LAMC1: variants seen among roughly 807,000 people sequenced by gnomAD.
LAMC1 encodes laminin subunit gamma 1, also known as laminin subunit gamma-1.
In LAMC1, 38 loss-of-function variants were observed where a neutral mutation model predicts 173.6. That is an observed-to-expected ratio of 0.22 (90% confidence interval 0.17 to 0.29). The LOEUF (loss-of-function observed/expected upper bound fraction) is 0.29, where lower values mean the gene tolerates loss of function less well. Ranked by LOEUF, LAMC1 falls within the 10% of genes least tolerant of loss-of-function variation. The pLI is 1.00. For missense variants in LAMC1, 1,824 were observed against 2,051.8 expected (o/e 0.89, Z 2.14); for synonymous variants, 746 against 749.1 (o/e 1.00, Z 0.07).
intron 1 of LAMC1, among the ~76,000 whole-genome samples, chr1:183,092,914 C>A (rs1480565061): frequency 6.6e-6 from 1 of 152,148 alleles, no homozygotes; most frequent in East Asian, 1.9e-4. Context: ...GATGTCTTCC[C>A]ATCTTAAAAA....
At chr1:183,046,733 A>G (rs1157455894) in intron 1 of LAMC1, among the ~76,000 whole-genome samples, 2 of 152,098 alleles carry the variant, frequency 1.3e-5, no homozygotes, top group Admixed American at 6.5e-5. Flanking sequence ...GTAGGTAGTC[A>G]TCATCTGTAA....
At chr1:183,036,345 G>C (rs1465672253) in intron 1 of LAMC1, among the ~76,000 whole-genome samples, 2 of 149,500 alleles carry the variant, frequency 1.3e-5, no homozygotes, top group African/African-American at 4.9e-5. Flanking sequence ...TGAGCCATCT[G>C]CCTTGGCCTC....
intron 11 of LAMC1, among the ~76,000 whole-genome samples, chr1:183,119,096 C>T (rs939344808): frequency 6.6e-6 from 1 of 152,008 alleles, no homozygotes; most frequent in Non-Finnish European, 1.5e-5. Flanking sequence ...GGGGTTTTAC[C>T]ATATTGGCCA....
intron 1 of LAMC1, among the ~76,000 whole-genome samples, chr1:183,089,963 A>G (rs893171025): frequency 4.6e-5 from 7 of 152,298 alleles, no homozygotes; most frequent in Admixed American, 6.5e-5. Context: ...ATTCACAACA[A>G]CCAGTCAAAA....
At position 183,119,938 on chromosome 1, in the gene LAMC1, A is replaced by C. The variant is rs549616135; in HGVS notation, c.1991-1785A>C. On this transcript the variant is annotated intron_variant, in intron 11 of 27. Coordinates refer to ENST00000258341, the MANE Select transcript of LAMC1 (RefSeq NM_002293.4). The stretch of plus-strand genomic sequence containing the variant: ...GTAATTCCAGTACTTTGGGAGGCTG[A>C]GGCAGGAGGATTGCTTGAGGCTAGG... Among the ~76,000 whole-genome samples the C allele has an allele frequency of 5.9e-5, 9 of 152,114 alleles. No homozygotes were observed. In the South Asian group the frequency reaches 1.9e-3, roughly 32 times the overall value.
intron 11 of LAMC1, among the ~76,000 whole-genome samples, chr1:183,118,906 T>A (rs550527499): frequency 5.1e-3 from 762 of 149,834 alleles, no homozygotes; most frequent in Non-Finnish European, 7.4e-3. Flanking sequence ...GACTTAAAAA[T>A]TTTTTTTTTT....
intron 1 of LAMC1, among the ~76,000 whole-genome samples, chr1:183,074,328 A>G (rs1248388745): frequency 6.6e-6 from 1 of 152,226 alleles, no homozygotes; most frequent in Non-Finnish European, 1.5e-5. Flanking sequence ...GGAATCTAAG[A>G]GTGACATGTG....
chr1:183,085,952 A>T (rs1039307314), intron 1 of LAMC1, among the ~76,000 whole-genome samples: 2 of 152,100 alleles, frequency 1.3e-5, no homozygotes, highest in Non-Finnish European at 2.9e-5. Context: ...TGGACATTTA[A>T]GAACTTGGAG....
Position 183,115,516 on chromosome 1 carries a change from T to G in LAMC1, c.1211-4T>G. 1 of 1,605,702 alleles carries G rather than the reference T, an allele frequency of 6.2e-7. No individual in the cohort carries two copies. The highest frequency in any genetic ancestry group is 1.1e-5 in the South Asian group (1 of 90,620). The stretch of plus-strand genomic sequence containing the variant: ...TGTTTGACAATAGGCATTTTACATT[T>G]TAGGCTCTCTAAGCACACAGTGTGA... On this transcript the variant is annotated splice_polypyrimidine_tract_variant and splice_region_variant and intron_variant, in intron 5 of 27. Coordinates refer to ENST00000258341, the MANE Select transcript of LAMC1 (RefSeq NM_002293.4).
intron 27 of LAMC1, 80 bp downstream of exon 27, chr1:183,140,583 C>A: frequency 1.3e-6 from 1 of 741,190 alleles, no homozygotes; most frequent in South Asian, 2.3e-5. Flanking sequence ...ACAGTTGACT[C>A]AAAAGCAGAT....
In LAMC1 at chr1:183,122,109, G is replaced by T. The variant is rs1194538455; in HGVS notation, c.2259G>T (p.Lys753Asn). 4.3e-6 allele frequency: 7 copies of T among 1,614,080 alleles called. No individual in the cohort carries two copies. The highest frequency in any genetic ancestry group is 1.3e-5 in the African/African-American group (1 of 74,918). ...RDNTAGPHCE[K>N]CSDGYYGDST... The stretch of plus-strand genomic sequence containing the variant: ...ATACGGCTGGCCCGCACTGTGAGAA[G>T]TGCAGTGATGGGTACTATGGAGATT... The change falls in exon 13 of 28, where the codon AAG becomes AAT. Residue 753 changes from lysine to asparagine, a missense_variant. Lys to Asn is a moderately conservative substitution (Grantham distance 94). Coordinates refer to ENST00000258341, the MANE Select transcript of LAMC1 (RefSeq NM_002293.4).
chr1:183,136,635 C>G, intron 25 of LAMC1, 50 bp downstream of exon 25: 1 of 1,474,488 alleles, frequency 6.8e-7, no homozygotes, highest in South Asian at 1.2e-5. Flanking sequence ...TTTCTCTGGT[C>G]ACTTTCCAGT....
intron 26 of LAMC1, among the ~76,000 whole-genome samples, chr1:183,138,757 A>C (rs1196919211): frequency 2.0e-5 from 3 of 152,088 alleles, no homozygotes; most frequent in Non-Finnish European, 4.4e-5. Flanking sequence ...CTCAAGTAAA[A>C]ATTCCCATAA....
chr1:183,116,683 A>G lies in LAMC1; in HGVS notation c.1427+8A>G, dbSNP rs74966396. 2.3e-4 allele frequency: 377 copies of G among 1,609,380 alleles called. No homozygotes were observed. In the African/African-American group the frequency reaches 4.8e-3, roughly 21 times the overall value. ...AGGCTTCAATTGTGAAAGGTAGTGCATTCTTTCTCTAGCTGCATTGTGTTT... is the reference window on the plus strand; with the variant it reads ...AGGCTTCAATTGTGAAAGGTAGTGCGTTCTTTCTCTAGCTGCATTGTGTTT... On this transcript the variant is annotated splice_region_variant and intron_variant, in intron 7 of 27. Transcript: ENST00000258341.
At chr1:183,087,628 A>G (rs888659811) in intron 1 of LAMC1, among the ~76,000 whole-genome samples, 4 of 152,142 alleles carry the variant, frequency 2.6e-5, no homozygotes, top group Non-Finnish European at 1.5e-5. Flanking sequence ...TCACATGCTC[A>G]TGGCTGAAGG....
chr1:183,062,828 C>G (rs1030834998), intron 1 of LAMC1, among the ~76,000 whole-genome samples: 7 of 152,020 alleles, frequency 4.6e-5, no homozygotes, highest in Non-Finnish European at 1.0e-4. Flanking sequence ...GTGGTGCATG[C>G]CTGTAATCCC....
intron 1 of LAMC1, among the ~76,000 whole-genome samples, chr1:183,043,407 A>T (rs976392343): frequency 2.6e-5 from 4 of 152,234 alleles, no homozygotes; most frequent in Admixed American, 2.6e-4. Flanking sequence ...TTATGGACTT[A>T]TATCACATTT....
intron 14 of LAMC1, 88 bp from the exon 15 acceptor site, chr1:183,125,308 AG>A: frequency 7.1e-7 from 1 of 1,405,154 alleles, no homozygotes; most frequent in Non-Finnish European, 1.0e-6. Context: ...CTGGCAACAC[AG>A]GTCTAAAGAA....
At chr1:183,130,649 T>A (rs1303221277) in intron 19 of LAMC1, 100 bp downstream of exon 19, 1 of 838,280 alleles carries the variant, frequency 1.2e-6, no homozygotes, top group East Asian at 2.6e-5. Context: ...CTAAATTGAC[T>A]CCATGCATCT....
Sources: allele counts gnomAD v4.1 joint callset (sites outside exome capture counted in the v4.1 genomes callset), GRCh38; gene constraint gnomAD v4.1.1; transcripts MANE v1.5; gene names NCBI Gene and HGNC (gene_info 2026-07-23, HGNC 2026-07-21).